Variants in ADGRG7 observed in about 807,000 individuals in gnomAD.
The protein encoded by ADGRG7 is adhesion G protein-coupled receptor G7, also known as G-protein coupled receptor 128.
ADGRG7 carries 82 observed loss-of-function variants against 88.6 expected under a neutral mutation model. The ratio of observed to expected loss-of-function variants is 0.93; its 90% CI spans 0.77 to 1.11. The LOEUF (loss-of-function observed/expected upper bound fraction) is 1.11, where lower values mean the gene tolerates loss of function less well. Among genes scored for constraint, ADGRG7 ranks in the 50% most tolerant of loss-of-function variants. ADGRG7 has a pLI of 0.00. For missense variants in ADGRG7, 945 were observed against 953.4 expected (o/e 0.99, Z 0.12); for synonymous variants, 381 against 345.2 (o/e 1.10, Z -1.15).
intron 1 of ADGRG7, among the ~76,000 whole-genome samples, chr3:100,612,610 T>C (rs1296359695): frequency 6.6e-6 from 1 of 152,192 alleles, no homozygotes; most frequent in African/African-American, 2.4e-5. Flanking sequence ...TGGTAGAAAA[T>C]GTTTTCTTTA....
At chr3:100,636,734 C>G (rs1330312098) in intron 5 of ADGRG7, among the ~76,000 whole-genome samples, 1 of 152,120 alleles carries the variant, frequency 6.6e-6, no homozygotes, top group African/African-American at 2.4e-5. Flanking sequence ...TATTGACCTC[C>G]AAATGTAGAA....
At chr3:100,688,877 T>C (rs1245073697) in intron 15 of ADGRG7, among the ~76,000 whole-genome samples, 2 of 152,206 alleles carry the variant, frequency 1.3e-5, no homozygotes, top group South Asian at 2.1e-4. Context: ...GAGAGTTCTG[T>C]AGATGTCTAT....
intron 6 of ADGRG7, among the ~76,000 whole-genome samples, chr3:100,641,485 A>G (rs947277502): frequency 6.6e-6 from 1 of 152,234 alleles, no homozygotes; most frequent in African/African-American, 2.4e-5. Context: ...GAGGCAATTA[A>G]TCTGTAACAT....
chr3:100,621,234 C>T (rs748693190), intron 1 of ADGRG7, among the ~76,000 whole-genome samples: 20 of 151,824 alleles, frequency 1.3e-4, no homozygotes, highest in Non-Finnish European at 2.2e-4. Flanking sequence ...ACTATTTGAG[C>T]GAAAGGAAGA....
chr3:100,646,622 G>T lies in ADGRG7; in HGVS notation c.1164G>T (p.Leu388Phe). The T allele has an allele frequency of 6.2e-7, 1 of 1,614,064 alleles. No individual in the cohort carries two copies. The highest frequency in any genetic ancestry group is 1.1e-5 in the South Asian group (1 of 91,074). Residue 388 changes from leucine (L) to phenylalanine (F), a missense_variant, in exon 10 of 16, where the codon TTG becomes TTT. Physicochemically the swap from Leu to Phe is conservative, Grantham distance 22. Transcript: ENST00000273352. The stretch of plus-strand genomic sequence containing the variant: ...CCTATGCCTGTGTCTATTGGAATTT[G>T]TCAGCGAAGGACTGGGACACATATG... ...LYSYACVYWN[L>F]SAKDWDTYGC...
intron 6 of ADGRG7, among the ~76,000 whole-genome samples, chr3:100,641,605 C>T (rs971426391): frequency 2.0e-5 from 3 of 151,988 alleles, no homozygotes; most frequent in Admixed American, 2.0e-4. Context: ...GTTGCAAACA[C>T]GCTACACGTG....
chr3:100,660,029 G>A (rs1239412260), intron 14 of ADGRG7, among the ~76,000 whole-genome samples, 186 bp downstream of exon 14: 2 of 152,130 alleles, frequency 1.3e-5, no homozygotes, highest in East Asian at 1.9e-4. Flanking sequence ...TCTCACATCC[G>A]TACAGTCTGC....
At chr3:100,645,089 C>A (rs974568070) in intron 8 of ADGRG7, among the ~76,000 whole-genome samples, 1 of 152,168 alleles carries the variant, frequency 6.6e-6, no homozygotes, top group Non-Finnish European at 1.5e-5. Flanking sequence ...ACAATGTTTT[C>A]CTTTTATCAC....
At chr3:100,685,281 T>C (rs564838288) in intron 15 of ADGRG7, among the ~76,000 whole-genome samples, 1 of 152,226 alleles carries the variant, frequency 6.6e-6, no homozygotes, top group Non-Finnish European at 1.5e-5. Context: ...CCTTTATTCA[T>C]TGACATTCTA....
In ADGRG7 at chr3:100,646,569, T is replaced by C. The variant is rs1304476120; in HGVS notation, c.1111T>C (p.Tyr371His). The C allele has an allele frequency of 6.2e-7, 1 of 1,611,918 alleles. No individual in the cohort carries two copies. The highest frequency in any genetic ancestry group is 2.2e-5 in the East Asian group (1 of 44,860). Residue 371 changes from tyrosine (Y) to histidine (H), a missense_variant and splice_region_variant, in exon 10 of 16, where the codon TAC becomes CAC. Tyr to His is a moderately conservative substitution (Grantham distance 83). Coordinates refer to ENST00000273352, the MANE Select transcript of ADGRG7 (RefSeq NM_032787.3). Reference sequence around the variant, plus strand: ...TTGTAATTGTCTTATCAATTCATAGTACAACCAAAAAGAATTTCAACTCTA... The same window carrying C: ...TTGTAATTGTCTTATCAATTCATAGCACAACCAAAAAGAATTTCAACTCTA... ...ASVDMVFSPK[Y>H]NQKEFQLYSY...
At chr3:100,635,318 A>C (rs760203080) in intron 4 of ADGRG7, among the ~76,000 whole-genome samples, 5 of 152,250 alleles carry the variant, frequency 3.3e-5, no homozygotes, top group Non-Finnish European at 5.9e-5. Context: ...CAACAGCAAA[A>C]AATTGCTATA....
At chr3:100,628,723 C>T (rs1218379222) in intron 1 of ADGRG7, among the ~76,000 whole-genome samples, 1 of 152,128 alleles carries the variant, frequency 6.6e-6, no homozygotes, top group African/African-American at 2.4e-5. Context: ...ACTCTGCTAT[C>T]CCCAACTCAA....
chr3:100,687,848 T>C (rs2094985729), intron 15 of ADGRG7, among the ~76,000 whole-genome samples: 1 of 152,188 alleles, frequency 6.6e-6, no homozygotes, highest in Non-Finnish European at 1.5e-5. Flanking sequence ...CTTTTTTTGT[T>C]GTGTCTCTGC....
chr3:100,653,534 A>G (rs1388786146), intron 11 of ADGRG7, among the ~76,000 whole-genome samples: 1 of 152,232 alleles, frequency 6.6e-6, no homozygotes, highest in Non-Finnish European at 1.5e-5. Flanking sequence ...CCTTCACATA[A>G]GCTTGCAAAT....
At chr3:100,651,624 G>T (rs549491119) in intron 11 of ADGRG7, among the ~76,000 whole-genome samples, 20 of 152,156 alleles carry the variant, frequency 1.3e-4, no homozygotes, top group Admixed American at 2.6e-4. Context: ...CAGGAGGATT[G>T]CTTGAGCCCA....
At chr3:100,675,713 T>C (rs2094964475) in intron 15 of ADGRG7, among the ~76,000 whole-genome samples, 1 of 152,158 alleles carries the variant, frequency 6.6e-6, no homozygotes, top group Non-Finnish European at 1.5e-5. Context: ...TTTGGTAAAA[T>C]TCAGCAGTGA....
At chr3:100,687,054 A>C (rs1213410253) in intron 15 of ADGRG7, among the ~76,000 whole-genome samples, 1 of 151,960 alleles carries the variant, frequency 6.6e-6, no homozygotes, top group Non-Finnish European at 1.5e-5. Context: ...CTTTTATTTC[A>C]TTGAGCAGTG....
At chr3:100,659,578 A>C (rs2094942387) in intron 13 of ADGRG7, 110 bp from the exon 14 acceptor site, 2 of 901,086 alleles carry the variant, frequency 2.2e-6, no homozygotes, top group East Asian at 5.2e-5. Context: ...GAGGGATGTT[A>C]ACTTTTAGCA....
chr3:100,685,410 A>G (rs2094980362), intron 15 of ADGRG7, among the ~76,000 whole-genome samples: 1 of 152,084 alleles, frequency 6.6e-6, no homozygotes, highest in African/African-American at 2.4e-5. Flanking sequence ...GTTTTAGGGT[A>G]CATGTGCACA....
Sources: allele counts gnomAD v4.1 joint callset (sites outside exome capture counted in the v4.1 genomes callset), GRCh38; gene constraint gnomAD v4.1.1; transcripts MANE v1.5; gene names NCBI Gene and HGNC (gene_info 2026-07-23, HGNC 2026-07-21).